ST8SIA1: variants seen among roughly 807,000 people sequenced by gnomAD.
ST8SIA1 encodes the protein alpha-N-acetylneuraminide alpha-2,8-sialyltransferase.
A neutral mutation model predicts 35.9 loss-of-function variants in ST8SIA1; 16 were observed. That is an observed-to-expected ratio of 0.45 (90% confidence interval 0.30 to 0.68). The LOEUF (loss-of-function observed/expected upper bound fraction) is 0.68, where lower values mean the gene tolerates loss of function less well. Ranked by LOEUF, ST8SIA1 falls within the 30% of genes least tolerant of loss-of-function variation. The probability of loss-of-function intolerance (pLI) is 0.09; values close to 1 mark genes in which losing one functional copy is unlikely to be tolerated. For synonymous variants in ST8SIA1, 170 were observed against 169.6 expected (o/e 1.00, Z -0.02); for missense variants, 383 against 453.6 (o/e 0.84, Z 1.41).
intron 2 of ST8SIA1, among the ~76,000 whole-genome samples, chr12:22,273,206 G>A (rs1033673239): frequency 1.1e-4 from 17 of 152,100 alleles, no homozygotes; most frequent in African/African-American, 4.1e-4. Context: ...TTAAATCCTC[G>A]GACTGGATTG....
chr12:22,223,637 G>A (rs919474955), intron 4 of ST8SIA1: 22 of 1,142,264 alleles, frequency 1.9e-5, no homozygotes, highest in Admixed American at 5.0e-5. Flanking sequence ...GCTTCTCAAC[G>A]TGGCAGGGAT....
intron 4 of ST8SIA1, among the ~76,000 whole-genome samples, chr12:22,241,229 C>T (rs989633426): frequency 2.0e-5 from 3 of 152,016 alleles, no homozygotes; most frequent in African/African-American, 7.3e-5. Flanking sequence ...TATCTGTGTC[C>T]ACACCCAAAT....
chr12:22,237,343 CA>C (rs1865486769), intron 4 of ST8SIA1, among the ~76,000 whole-genome samples: 1 of 152,094 alleles, frequency 6.6e-6, no homozygotes, highest in Non-Finnish European at 1.5e-5. Context: ...GCAGTCCTCC[CA>C]CCTCAGCCTC....
At chr12:22,226,738 T>C (rs186380006) in intron 4 of ST8SIA1, among the ~76,000 whole-genome samples, 94 of 152,292 alleles carry the variant, frequency 6.2e-4, no homozygotes, top group Admixed American at 1.2e-3. Context: ...ATGAACTTTA[T>C]TGCTTTCTTT....
rs370755891 is a variant in ST8SIA1, at chr12:22,249,098, T to C, written c.492A>G (p.Arg164=). The C allele has an allele frequency of 3.1e-6, 5 of 1,606,748 alleles. No homozygotes were observed. The African/African-American group carries it at 5.3e-5, about 17-fold the overall frequency. Reference sequence around the variant, plus strand: ...CACTTGACAAAGGAGGGAGATTGCATCTAGAGAAACAAGAACAAACATTTT... The same window carrying C: ...CACTTGACAAAGGAGGGAGATTGCACCTAGAGAAACAAGAACAAACATTTT... ...RQIDEANFVM[R]CNLPPLSSEY... Residue 164 remains arginine, a splice_region_variant and synonymous_variant, in exon 4 of 5, where the codon CGA becomes CGG. Transcript: ENST00000396037.
intron 1 of ST8SIA1, chr12:22,325,608 C>T: frequency 1.5e-6 from 1 of 646,734 alleles, no homozygotes; most frequent in Non-Finnish European, 2.8e-6. Flanking sequence ...CTCCTCTTAT[C>T]TGTGGAGGAT....
intron 4 of ST8SIA1, among the ~76,000 whole-genome samples, chr12:22,227,498 G>A (rs371976231): frequency 3.9e-5 from 6 of 151,946 alleles, no homozygotes; most frequent in South Asian, 2.1e-4. Flanking sequence ...TGCTGAACCC[G>A]GAGATGGAGG....
intron 1 of ST8SIA1, among the ~76,000 whole-genome samples, chr12:22,323,733 T>A (rs935666938): frequency 2.6e-5 from 4 of 152,182 alleles, no homozygotes; most frequent in African/African-American, 9.7e-5. Flanking sequence ...GAAACCATTA[T>A]TCTCAGCAAA....
At chr12:22,322,102 A>G (rs543921657) in intron 1 of ST8SIA1, among the ~76,000 whole-genome samples, 7 of 152,246 alleles carry the variant, frequency 4.6e-5, no homozygotes, top group African/African-American at 9.6e-5. Context: ...TGCCATCGCA[A>G]TCACGATTCA....
chr12:22,294,508 G>A (rs1296601884), intron 1 of ST8SIA1, among the ~76,000 whole-genome samples: 3 of 152,062 alleles, frequency 2.0e-5, no homozygotes, highest in East Asian at 3.9e-4. Flanking sequence ...TCTTTTCAAA[G>A]ATTAATCTTC....
chr12:22,297,412 A>G (rs1339841536), intron 1 of ST8SIA1, among the ~76,000 whole-genome samples: 1 of 150,516 alleles, frequency 6.6e-6, no homozygotes, highest in Non-Finnish European at 1.5e-5. Context: ...TCCAGATCCT[A>G]ATTGTCTCTT....
At chr12:22,240,459 G>T (rs1398872152) in intron 4 of ST8SIA1, among the ~76,000 whole-genome samples, 1 of 151,810 alleles carries the variant, frequency 6.6e-6, no homozygotes, top group Non-Finnish European at 1.5e-5. Context: ...CAGAACAGAT[G>T]TTAGAATAAA....
intron 1 of ST8SIA1, among the ~76,000 whole-genome samples, chr12:22,298,964 T>G (rs1284722530): frequency 6.6e-6 from 1 of 152,048 alleles, no homozygotes; most frequent in East Asian, 1.9e-4. Context: ...ATATTACAAA[T>G]GTAGACGGAA....
intron 1 of ST8SIA1, among the ~76,000 whole-genome samples, chr12:22,302,932 T>A (rs1428938908): frequency 6.6e-6 from 1 of 152,040 alleles, no homozygotes; most frequent in Admixed American, 6.6e-5. Flanking sequence ...CCAATGTACA[T>A]CTTACATATA....
At chr12:22,209,311 C>T (rs1865150496) in intron 4 of ST8SIA1, among the ~76,000 whole-genome samples, 3 of 151,980 alleles carry the variant, frequency 2.0e-5, no homozygotes, top group Non-Finnish European at 4.4e-5. Flanking sequence ...AACAAACATG[C>T]AAATATCACA....
chr12:22,248,985 A>G (rs1379974415), intron 4 of ST8SIA1, 21 bp downstream of exon 4: 1 of 1,571,774 alleles, frequency 6.4e-7, no homozygotes, highest in South Asian at 1.1e-5. Context: ...TTCGTCACAA[A>G]CAGAAGTCAT....
intron 2 of ST8SIA1, among the ~76,000 whole-genome samples, chr12:22,258,581 G>C (rs1865753095): frequency 2.0e-5 from 3 of 152,158 alleles, no homozygotes; most frequent in African/African-American, 7.2e-5. Flanking sequence ...CTTAGCAACA[G>C]GAAGGTCACT....
chr12:22,263,673 T>C (rs1321353771), intron 2 of ST8SIA1, among the ~76,000 whole-genome samples: 1 of 152,178 alleles, frequency 6.6e-6, no homozygotes, highest in East Asian at 1.9e-4. Context: ...TTATTTGCCC[T>C]AGTAATCCCC....
chr12:22,237,313 T>C (rs1865486219), intron 4 of ST8SIA1, among the ~76,000 whole-genome samples: 1 of 152,032 alleles, frequency 6.6e-6, no homozygotes, highest in Non-Finnish European at 1.5e-5. Flanking sequence ...CCCAGGCTGG[T>C]CTCAAACCCC....
Sources: allele counts gnomAD v4.1 joint callset (sites outside exome capture counted in the v4.1 genomes callset), GRCh38; gene constraint gnomAD v4.1.1; transcripts MANE v1.5; gene names NCBI Gene and HGNC (gene_info 2026-07-23, HGNC 2026-07-21).